CHCHD6: variants seen among roughly 807,000 people sequenced by gnomAD.
The protein encoded by CHCHD6 is coiled-coil-helix-coiled-coil-helix domain containing 6.
Under a neutral mutation model 32.3 loss-of-function variants are expected in CHCHD6, and 28 were observed. That is an observed-to-expected ratio of 0.87 (90% CI 0.64 to 1.19). The LOEUF (loss-of-function observed/expected upper bound fraction) is 1.19, where lower values mean the gene tolerates loss of function less well. Ranked by LOEUF, CHCHD6 falls within the 50% of genes most tolerant of loss-of-function variation. The pLI, the probability that CHCHD6 is intolerant of heterozygous loss-of-function variation, is 0.00. For synonymous variants in CHCHD6, 122 were observed against 117.5 expected (o/e 1.04, Z -0.25); for missense variants, 333 against 307.0 (o/e 1.08, Z -0.63).
intron 1 of CHCHD6, among the ~76,000 whole-genome samples, chr3:126,717,088 G>C (rs1322120397): frequency 2.6e-5 from 4 of 152,188 alleles, no homozygotes; most frequent in Admixed American, 1.3e-4. Context: ...GCCGGGGTCA[G>C]GCGGCTTTCC....
intron 4 of CHCHD6, among the ~76,000 whole-genome samples, chr3:126,793,172 A>C (rs1364152252): frequency 6.6e-6 from 1 of 152,044 alleles, no homozygotes; most frequent in Non-Finnish European, 1.5e-5. Context: ...CCATTATAGC[A>C]GTCTCTTCTT....
chr3:126,901,046 G>A (rs914252489), intron 5 of CHCHD6, among the ~76,000 whole-genome samples: 1 of 152,174 alleles, frequency 6.6e-6, no homozygotes, highest in African/African-American at 2.4e-5. Flanking sequence ...GGGAGGTGTT[G>A]ACATGAGATT....
At chr3:126,799,669 G>T (rs1938972699) in intron 4 of CHCHD6, among the ~76,000 whole-genome samples, 2 of 152,278 alleles carry the variant, frequency 1.3e-5, no homozygotes, top group South Asian at 4.1e-4. Context: ...TCATAGCATA[G>T]CTACAGTCTG....
chr3:126,902,686 C>T (rs967593572), intron 5 of CHCHD6, among the ~76,000 whole-genome samples: 19 of 147,530 alleles, frequency 1.3e-4, no homozygotes, highest in Non-Finnish European at 3.0e-5. Flanking sequence ...CACTGTACTC[C>T]AGCCTGGGCG....
rs190567265 is a variant in CHCHD6 at position 126,803,930 on chromosome 3, C to T, written c.412-48717C>T. On this transcript the variant is annotated intron_variant, in intron 4 of 7. Transcript: ENST00000290913. The stretch of plus-strand genomic sequence containing the variant: ...AAACTCACTCAAAACCGCTCAACTA[C>T]GTGGAAACTGAAGAACCTGCTCCTG... Among the ~76,000 whole-genome samples, 945 of 152,262 alleles carry T rather than the reference C, an allele frequency of 6.2e-3. 8 individuals are homozygous for T. Among genetic ancestry groups the T allele is most frequent in the African/African-American group, 0.022 (898 of 41,538 alleles).
chr3:126,776,907 T>C (rs1576402573), intron 4 of CHCHD6, among the ~76,000 whole-genome samples: 2 of 152,298 alleles, frequency 1.3e-5, no homozygotes, highest in East Asian at 3.9e-4. Flanking sequence ...CAAAGTGACT[T>C]GCCCCAGGCC....
At chr3:126,770,843 GA>G (rs1937529989) in intron 4 of CHCHD6, among the ~76,000 whole-genome samples, 1 of 152,124 alleles carries the variant, frequency 6.6e-6, no homozygotes, top group African/African-American at 2.4e-5. Context: ...TGGCCTCATT[GA>G]ATGAGTTGTG....
chr3:126,818,350 T>C (rs976721736), intron 4 of CHCHD6, among the ~76,000 whole-genome samples: 1 of 152,204 alleles, frequency 6.6e-6, no homozygotes, highest in Non-Finnish European at 1.5e-5. Context: ...CTGTGCTCTG[T>C]AAACTCCTGC....
chr3:126,852,841 G>A (rs925624250), intron 5 of CHCHD6, 111 bp downstream of exon 5: 3 of 700,630 alleles, frequency 4.3e-6, no homozygotes, highest in East Asian at 2.8e-5. Context: ...GTGCCCATTC[G>A]CCCAGATGCC....
chr3:126,892,378 C>G (rs1407734320), intron 5 of CHCHD6, among the ~76,000 whole-genome samples: 1 of 152,216 alleles, frequency 6.6e-6, no homozygotes, highest in African/African-American at 2.4e-5. Context: ...CAGCCCAGCC[C>G]CCGACTCTAT....
intron 4 of CHCHD6, among the ~76,000 whole-genome samples, chr3:126,736,233 T>G (rs570803389): frequency 6.6e-6 from 1 of 152,330 alleles, no homozygotes; most frequent in Admixed American, 6.5e-5. Flanking sequence ...ATGGAAAGGT[T>G]GAAGGAGGTG....
chr3:126,925,611 T>A (rs1191497040), intron 6 of CHCHD6, among the ~76,000 whole-genome samples: 1 of 152,150 alleles, frequency 6.6e-6, no homozygotes, highest in Admixed American at 6.5e-5. Context: ...TGCCACAGCA[T>A]CAGTGTTCTG....
chr3:126,877,503 C>A (rs898630857), intron 5 of CHCHD6, among the ~76,000 whole-genome samples: 1 of 150,812 alleles, frequency 6.6e-6, no homozygotes, highest in Non-Finnish European at 1.5e-5. Context: ...TGCAGTGAGC[C>A]GAGATTGTGC....
intron 4 of CHCHD6, among the ~76,000 whole-genome samples, chr3:126,738,058 C>G (rs755858908): frequency 1.1e-4 from 16 of 152,306 alleles, no homozygotes; most frequent in Admixed American, 4.6e-4. Context: ...ATGTGCCCCT[C>G]TAACCTAAGG....
At chr3:126,948,092 TC>T (rs1179390796) in intron 6 of CHCHD6, among the ~76,000 whole-genome samples, 1 of 152,084 alleles carries the variant, frequency 6.6e-6, no homozygotes, top group East Asian at 1.9e-4. Context: ...GATACATTGG[TC>T]CCCCGGTCAT....
chr3:126,778,608 T>A (rs1397479315), intron 4 of CHCHD6, among the ~76,000 whole-genome samples: 2 of 152,216 alleles, frequency 1.3e-5, no homozygotes, highest in Non-Finnish European at 2.9e-5. Flanking sequence ...TTTAATTGGA[T>A]TATTTGTCTT....
At chr3:126,950,323 G>C (rs375096010) in intron 6 of CHCHD6, among the ~76,000 whole-genome samples, 2 of 152,012 alleles carry the variant, frequency 1.3e-5, no homozygotes, top group Non-Finnish European at 1.5e-5. Flanking sequence ...ACAGGAGCTT[G>C]TCCTACAAGA....
intron 5 of CHCHD6, among the ~76,000 whole-genome samples, chr3:126,912,659 C>T (rs534140897): frequency 7.2e-5 from 11 of 152,354 alleles, no homozygotes; most frequent in African/African-American, 2.2e-4. Context: ...CCCAGGCCTC[C>T]CTGACTCCCC....
chr3:126,792,030 TATAAC>T (rs1938570320), intron 4 of CHCHD6, among the ~76,000 whole-genome samples: 2 of 152,300 alleles, frequency 1.3e-5, no homozygotes, highest in East Asian at 3.9e-4. Context: ...TCGTCCATGT[TATAAC>T]ACATACAGAA....
Sources: gnomAD v4.1 joint callset for allele counts (sites outside exome capture counted in the v4.1 genomes callset) on GRCh38, gnomAD v4.1.1 for gene constraint, MANE v1.5 for transcripts, NCBI Gene and HGNC (gene_info 2026-07-23, HGNC 2026-07-21) for gene names.